Variants in TMOD3 observed in about 807,000 individuals in gnomAD.
TMOD3 encodes tropomodulin 3.
A neutral mutation model predicts 39.2 loss-of-function variants in TMOD3; 20 were observed. The ratio of observed to expected loss-of-function variants is 0.51; its 90% CI spans 0.36 to 0.74. The LOEUF (loss-of-function observed/expected upper bound fraction) is 0.74. Ranked by LOEUF, TMOD3 falls within the 30% of genes least tolerant of loss-of-function variation. The probability of loss-of-function intolerance (pLI) is 0.00; values close to 1 mark genes in which losing one functional copy is unlikely to be tolerated. For synonymous variants in TMOD3, 143 were observed against 145.8 expected (o/e 0.98, Z 0.14); for missense variants, 381 against 412.8 (o/e 0.92, Z 0.67).
intron 1 of TMOD3, chr15:51,860,201 GTCA>G: frequency 2.1e-6 from 1 of 479,740 alleles, no homozygotes; most frequent in South Asian, 1.6e-5. Flanking sequence ...GAGCCTGAGG[GTCA>G]TCATAAATTT....
intron 1 of TMOD3, among the ~76,000 whole-genome samples, chr15:51,849,828 G>A (rs1013978204): frequency 2.6e-5 from 4 of 152,072 alleles, no homozygotes; most frequent in African/African-American, 9.7e-5. Context: ...CAGCTACTCG[G>A]GAGGCTGAAG....
chr15:51,849,275 T>C (rs1039085123), intron 1 of TMOD3, among the ~76,000 whole-genome samples: 1 of 152,100 alleles, frequency 6.6e-6, no homozygotes, highest in African/African-American at 2.4e-5. Context: ...CAAGAGCAGG[T>C]ATGGGGGAGA....
intron 3 of TMOD3, chr15:51,884,425 G>A (rs992912085): frequency 1.3e-5 from 2 of 152,194 alleles, no homozygotes; most frequent in Non-Finnish European, 2.9e-5. Context: ...ATTTCAGTTT[G>A]GGACAGACAC....
chr15:51,862,163 G>C lies in TMOD3; in HGVS notation c.-74-648G>C, dbSNP rs554414363. ...GACCGCACAGGAAGGAAATGATGAT[G>C]GTCCCTTCCCACAGTCAGACCCTCC... On this transcript the variant is annotated intron_variant, in intron 1 of 9. Coordinates refer to ENST00000308580, the MANE Select transcript of TMOD3 (RefSeq NM_014547.5). 2.0e-5 allele frequency among the ~76,000 whole-genome samples: 3 copies of C among 152,114 alleles called. No homozygotes were observed. In the South Asian group the frequency reaches 6.2e-4, roughly 32 times the overall value.
At chr15:51,856,131 C>T (rs977058437) in intron 1 of TMOD3, among the ~76,000 whole-genome samples, 3 of 152,136 alleles carry the variant, frequency 2.0e-5, no homozygotes, top group Non-Finnish European at 4.4e-5. Flanking sequence ...GGTGTGGTGG[C>T]ACATGCCTGC....
In TMOD3 at chr15:51,858,903, G is replaced by T. The variant is rs977392548; in HGVS notation, c.-74-3908G>T. On this transcript the variant is annotated intron_variant, in intron 1 of 9. Transcript: ENST00000308580. ...ATTCGTGCATCAAGCTGAGCATGGT[G>T]TCCTGCGCCTATAATCCCAGCTACT... 7.9e-5 allele frequency among the ~76,000 whole-genome samples: 12 copies of T among 152,160 alleles called. 1 individual carries two copies. The highest frequency in any genetic ancestry group is 2.9e-4 in the African/African-American group (12 of 41,424).
At chr15:51,866,575 G>A (rs533039694) in intron 2 of TMOD3, among the ~76,000 whole-genome samples, 31 of 152,292 alleles carry the variant, frequency 2.0e-4, no homozygotes, top group South Asian at 1.7e-3. Flanking sequence ...ATTTAAGACT[G>A]TGTGTGTCAC....
intron 9 of TMOD3, among the ~76,000 whole-genome samples, chr15:51,905,379 C>T (rs112889926): frequency 0.13 from 19,177 of 151,680 alleles, 1,582 homozygotes; most frequent in Admixed American, 0.24. Context: ...CCTAGCTACT[C>T]GGGAGGGTGA....
chr15:51,854,551 A>G (rs2056378660), intron 1 of TMOD3, among the ~76,000 whole-genome samples: 1 of 152,236 alleles, frequency 6.6e-6, no homozygotes, highest in South Asian at 2.1e-4. Flanking sequence ...TTTAACAAAT[A>G]TAGTCAGTGT....
chr15:51,866,574 T>C (rs2056448159), intron 2 of TMOD3, among the ~76,000 whole-genome samples: 1 of 152,176 alleles, frequency 6.6e-6, no homozygotes, highest in Non-Finnish European at 1.5e-5. Context: ...TATTTAAGAC[T>C]GTGTGTGTCA....
At chr15:51,891,158 C>T (rs1380901966) in intron 5 of TMOD3, among the ~76,000 whole-genome samples, 1 of 151,918 alleles carries the variant, frequency 6.6e-6, no homozygotes, top group Non-Finnish European at 1.5e-5. Context: ...TCATGATTGG[C>T]TCAAAAAAGG....
chr15:51,864,205 G>T (rs1325407987), intron 2 of TMOD3, among the ~76,000 whole-genome samples: 8 of 147,222 alleles, frequency 5.4e-5, no homozygotes, highest in African/African-American at 2.0e-4. Flanking sequence ...GGTGGAAGTT[G>T]CAGTGAGCCG....
At chr15:51,886,971 C>A (rs1266806507) in intron 3 of TMOD3, among the ~76,000 whole-genome samples, 1 of 152,046 alleles carries the variant, frequency 6.6e-6, no homozygotes, top group Non-Finnish European at 1.5e-5. Context: ...GTAATCCTAG[C>A]ACTTTGGGAG....
intron 8 of TMOD3, among the ~76,000 whole-genome samples, chr15:51,900,839 A>T (rs2056646480): frequency 6.6e-6 from 1 of 152,160 alleles, no homozygotes; most frequent in Non-Finnish European, 1.5e-5. Flanking sequence ...CATGTTTTTC[A>T]TTTTTTTATT....
At chr15:51,883,930 A>C (rs2037098832) in intron 3 of TMOD3, among the ~76,000 whole-genome samples, 1 of 152,244 alleles carries the variant, frequency 6.6e-6, no homozygotes, top group South Asian at 2.1e-4. Context: ...AACCACTATG[A>C]AAAGTATGGA....
At chr15:51,897,250 A>G (rs1226787772) in intron 7 of TMOD3, among the ~76,000 whole-genome samples, 1 of 151,928 alleles carries the variant, frequency 6.6e-6, no homozygotes, top group African/African-American at 2.4e-5. Context: ...TATTATCTTC[A>G]TATACTTGCT....
At chr15:51,895,595 G>A (rs1188948347) in intron 6 of TMOD3, among the ~76,000 whole-genome samples, 1 of 151,936 alleles carries the variant, frequency 6.6e-6, no homozygotes, top group African/African-American at 2.4e-5. Flanking sequence ...AAATAACCAG[G>A]CTAGGGGGAA....
chr15:51,831,779 A>T (rs2056256611), intron 1 of TMOD3, among the ~76,000 whole-genome samples: 1 of 144,980 alleles, frequency 6.9e-6, no homozygotes, highest in Non-Finnish European at 1.5e-5. Flanking sequence ...TCCTTCCTTA[A>T]TTGTTTTCAT....
chr15:51,908,704 T>C (rs543893161), intron 9 of TMOD3, 72 bp from the exon 10 acceptor site: 27 of 1,284,054 alleles, frequency 2.1e-5, no homozygotes, highest in Non-Finnish European at 2.6e-5. Flanking sequence ...AGAAACTTGC[T>C]TGTTATAAGC....
Sources: allele counts gnomAD v4.1 joint callset (sites outside exome capture counted in the v4.1 genomes callset), GRCh38; gene constraint gnomAD v4.1.1; transcripts MANE v1.5; gene names NCBI Gene and HGNC (gene_info 2026-07-23, HGNC 2026-07-21).